The following ARC variants were observed in gnomAD, a reference collection of about 807,000 sequenced individuals.
The protein encoded by ARC is activity-regulated cytoskeleton-associated protein.
Under a neutral mutation model 20.0 loss-of-function variants are expected in ARC, and 10 were observed. That is an observed-to-expected ratio of 0.50 (90% confidence interval 0.31 to 0.85). The LOEUF is 0.85. Among genes scored for constraint, ARC ranks in the 40% least tolerant of loss-of-function variants. The pLI is 0.05. For synonymous variants in ARC, 269 were observed against 254.1 expected, an observed-to-expected ratio of 1.06 and a Z score of -0.56; for missense variants, 454 against 555.5, an observed-to-expected ratio of 0.82 and a Z score of 1.84.
Position 142,613,908 on chromosome 8 carries a change from G to T in ARC, c.364C>A (p.Arg122Ser). Residue 122 changes from arginine (R) to serine (S), a missense_variant, in exon 1 of 3, where the codon CGC (arginine) becomes AGC (serine). This residue lies in a region of ARC where 265 missense variants were observed against 301.7 expected (regional missense o/e 0.88). Coordinates refer to ENST00000356613, the MANE Select transcript of ARC (RefSeq NM_015193.5). ...AGGCGGTCGGCCCAGCGCTCCAGGC[G>T]GTAGAACACCTCGCGCCACACGTGC... ...EMHVWREVFY[R>S]LERWADRLES... 6.3e-7 allele frequency: 1 copy of T among 1,593,332 alleles called. No homozygotes were observed. The highest frequency in any genetic ancestry group is 8.5e-7 in the Non-Finnish European group (1 of 1,173,014).
chr8:142,613,830 C>A lies in ARC; in HGVS notation c.442G>T (p.Val148Phe), dbSNP rs931618958. The A allele has an allele frequency of 6.4e-7, 1 of 1,554,754 alleles. No homozygotes were observed. Among genetic ancestry groups the A allele is most frequent in the East Asian group, 2.4e-5 (1 of 42,222 alleles). Residue 148 changes from valine to phenylalanine, a missense_variant, in exon 1 of 3, where the codon GTT becomes TTT. Physicochemically the swap from Val to Phe is conservative, Grantham distance 50. This residue lies in a region of ARC where 265 missense variants were observed against 301.7 expected (regional missense o/e 0.88). Coordinates refer to ENST00000356613, the MANE Select transcript of ARC (RefSeq NM_015193.5). Reference protein sequence around the residue: ...PVGSESARHTVSVGVGGPESY... With the variant: ...PVGSESARHTFSVGVGGPESY... ...TCGGGACCCCCCACGCCCACGGAAA[C>A]GGTGTGGCGGGCTGACTCGCTGCCC... is the stretch of plus-strand genomic sequence containing the variant.
In ARC at chr8:142,614,332, G is replaced by T. The variant is rs1165431090; in HGVS notation, c.-61C>A. On this transcript the variant is annotated 5_prime_UTR_variant, in exon 1 of 3. Coordinates refer to ENST00000356613, the MANE Select transcript of ARC (RefSeq NM_015193.5). ...CGGGGCGGACAGAGGGTGGTCCGGC[G>T]CTGGGGTCCGGCGGCCTGGGTCCCG... 4.6e-6 allele frequency: 6 copies of T among 1,290,546 alleles called. No individual in the cohort carries two copies. The highest frequency in any genetic ancestry group is 5.9e-6 in the Non-Finnish European group (6 of 1,012,950). 79.9% of individuals were successfully genotyped at this position (1,290,546 alleles called of 1,614,324 possible).
intron 2 of ARC, 41 bp downstream of exon 2, chr8:142,612,067 G>C (rs1306868792): frequency 6.5e-6 from 1 of 153,048 alleles, no homozygotes; most frequent in Non-Finnish European, 1.5e-5. Flanking sequence ...GGCCGGGACA[G>C]CTGATGGTGG....
Position 142,612,951 on chromosome 8 carries a change from G to A in ARC, c.*130C>T, listed in dbSNP as rs587595872. ...GGATGACACGAGTGTGTGCGAGTCC[G>A]CCCGGAGCTCGAGGGGGCACCCAGC... On this transcript the variant is annotated 3_prime_UTR_variant, in exon 1 of 3. Coordinates refer to ENST00000356613, the MANE Select transcript of ARC (RefSeq NM_015193.5). 7.0e-4 allele frequency: 505 copies of A among 724,246 alleles called. 2 individuals are homozygous for A. The African/African-American group carries it at 7.7e-3, about 11-fold the overall frequency. 44.9% of individuals were successfully genotyped at this position (724,246 alleles called of 1,614,324 possible). A position where few individuals can be genotyped will look rare whatever the true frequency, so the allele number is the denominator to read the frequency against.
rs747301585 is a variant in ARC, at chr8:142,613,873, C to G, written c.399G>C (p.Thr133=). 1.9e-6 allele frequency: 3 copies of G among 1,560,734 alleles called. No individual in the cohort carries two copies. Among genetic ancestry groups the G allele is most frequent in the South Asian group, 2.3e-5 (2 of 85,824 alleles). Residue 133 remains threonine (T), a synonymous_variant, in exon 1 of 3, where the codon ACG becomes ACC. Coordinates refer to ENST00000356613, the MANE Select transcript of ARC (RefSeq NM_015193.5). The part of the protein sequence containing the change: ...LERWADRLES[T]GGKYPVGSES... ...CGCTGCCCACCGGGTACTTGCCGCC[C>G]GTGGACTCCAGGCGGTCGGCCCAGC... is the stretch of plus-strand genomic sequence containing the variant.
Position 142,612,686 on chromosome 8 carries a change from G to C in ARC, c.*395C>G, listed in dbSNP as rs1168696102. The C allele has an allele frequency of 1.0e-5, 2 of 200,160 alleles. No homozygotes were observed. The highest frequency in any genetic ancestry group is 4.6e-5 in the African/African-American group (2 of 43,284). The allele number at this position is 200,160 out of a possible 1,614,324, so 12.4% of individuals were successfully genotyped here. On this transcript the variant is annotated 3_prime_UTR_variant, in exon 1 of 3. Coordinates refer to ENST00000356613, the MANE Select transcript of ARC (RefSeq NM_015193.5). ...CTCCCTCAGCATTGGCTCTGCCCTAGCTTCTGCTCTGGGTGTCCCATGAGC... is the reference window on the plus strand; with the variant it reads ...CTCCCTCAGCATTGGCTCTGCCCTACCTTCTGCTCTGGGTGTCCCATGAGC...
In ARC at chr8:142,613,783, G is replaced by C. The variant is rs2234911; in HGVS notation, c.489C>G (p.Asp163Glu). The C allele has an allele frequency of 1.9e-6, 3 of 1,550,626 alleles. No individual in the cohort carries two copies. The East Asian group carries it at 7.2e-5, about 37-fold the overall frequency. Residue 163 changes from aspartate to glutamate, a missense_variant, in exon 1 of 3, where the codon GAC becomes GAG. This residue lies in a region of ARC where 265 missense variants were observed against 301.7 expected (regional missense o/e 0.88). Transcript: ENST00000356613. ...GGPESYCHEADGYDYTVSPYA... is the reference protein window; with the variant it reads ...GGPESYCHEAEGYDYTVSPYA... Reference sequence around the variant, plus strand: ...AGGGGCTGACGGTGTAGTCGTAGCCGTCTGCCTCGTGGCAGTAGCTCTCGG... The same window carrying C: ...AGGGGCTGACGGTGTAGTCGTAGCCCTCTGCCTCGTGGCAGTAGCTCTCGG...
Position 142,613,331 on chromosome 8 carries a change from A to G in ARC, c.941T>C (p.Val314Ala), listed in dbSNP as rs1171388183. Reference sequence around the variant, plus strand: ...GATGATCTCCTCCTCGTCCGCGTCCACGTAGAGCGTCTGGTACAGGTCCCG... The same window carrying G: ...GATGATCTCCTCCTCGTCCGCGTCCGCGTAGAGCGTCTGGTACAGGTCCCG... ...RKRDLYQTLY[V>A]DADEEEIIQY... The change falls in exon 1 of 3, where the codon GTG (valine) becomes GCG (alanine). Residue 314 changes from valine (V) to alanine (A), a missense_variant. This residue lies in a region of ARC where 117 missense variants were observed against 194.4 expected (regional missense o/e 0.60). Transcript: ENST00000356613. 1 of 1,613,604 alleles carries G rather than the reference A, an allele frequency of 6.2e-7. No individual in the cohort carries two copies. Among genetic ancestry groups the G allele is most frequent in the South Asian group, 1.1e-5 (1 of 91,090 alleles).
Position 142,613,720 on chromosome 8 carries a change from G to A in ARC, c.552C>T (p.Pro184=), listed in dbSNP as rs762765411. 1.9e-5 allele frequency: 29 copies of A among 1,553,912 alleles called. No individual in the cohort carries two copies. The highest frequency in any genetic ancestry group is 5.5e-5 in the Admixed American group (3 of 55,016). Residue 184 remains proline (P), a synonymous_variant, in exon 1 of 3, where the codon CCC becomes CCT. Coordinates refer to ENST00000356613, the MANE Select transcript of ARC (RefSeq NM_015193.5). ...GCTGGGCCTCGGCGGGCTCCTGCCC[G>A]GGCAGCTCGCCAGCGGCTGGGGGCG... ...ITPPPAAGEL[P]GQEPAEAQQY... is the part of the protein sequence containing the mutation.
In ARC at chr8:142,613,540, A is replaced by G. The variant is rs1325660620; in HGVS notation, c.732T>C (p.Asn244=). ...ACTTCTTGGCCGGCCCGTTCATGTG[A>G]TTCTGGATCTGGGACAGCCAGTACT... ...SEEYWLSQIQ[N]HMNGPAKKWW... Residue 244 remains asparagine, a synonymous_variant, in exon 1 of 3, where the codon AAT becomes AAC. Coordinates refer to ENST00000356613, the MANE Select transcript of ARC (RefSeq NM_015193.5). The G allele has an allele frequency of 6.2e-7, 1 of 1,611,374 alleles. No individual in the cohort carries two copies. Among genetic ancestry groups the G allele is most frequent in the African/African-American group, 1.3e-5 (1 of 74,844 alleles).
Position 142,614,165 on chromosome 8 carries a change from G to T in ARC, c.107C>A (p.Ala36Asp). The T allele has an allele frequency of 1.3e-6, 2 of 1,580,634 alleles. No homozygotes were observed. The highest frequency in any genetic ancestry group is 1.7e-6 in the Non-Finnish European group (2 of 1,165,772). ...NVILQIGKCRAEMLEHVRRTH... is the reference protein window; with the variant it reads ...NVILQIGKCRDEMLEHVRRTH... ...CCGCCGCACGTGCTCCAGCATCTCG[G>T]CCCGGCACTTCCCGATCTGCAGGAT... Residue 36 changes from alanine to aspartate, a missense_variant, in exon 1 of 3, where the codon GCC becomes GAC. Coordinates refer to ENST00000356613, the MANE Select transcript of ARC (RefSeq NM_015193.5).
chr8:142,613,237 C>T lies in ARC; in HGVS notation c.1035G>A (p.Leu345=), dbSNP rs1205264520. ...RFLRHPLPKT[L]EQLIQRGMEV... ...CCATGCCCCTCTGGATGAGCTGCTCCAGGGTCTTGGGCAGGGGGTGGCGCA... is the reference window on the plus strand; with the variant it reads ...CCATGCCCCTCTGGATGAGCTGCTCTAGGGTCTTGGGCAGGGGGTGGCGCA... The change falls in exon 1 of 3, where the codon CTG becomes CTA. Residue 345 remains leucine (L), a synonymous_variant. Coordinates refer to ENST00000356613, the MANE Select transcript of ARC (RefSeq NM_015193.5). 6.2e-7 allele frequency: 1 copy of T among 1,613,376 alleles called. No homozygotes were observed.
rs1426235687 is a variant in ARC, at chr8:142,612,894, G to A, written c.*187C>T. 4 of 566,624 alleles carry A rather than the reference G, an allele frequency of 7.1e-6. No individual in the cohort carries two copies. The highest frequency in any genetic ancestry group is 5.6e-5 in the African/African-American group (3 of 53,638). The allele number at this position is 566,624 out of a possible 1,614,324, so 35.1% of individuals were successfully genotyped here. On this transcript the variant is annotated 3_prime_UTR_variant, in exon 1 of 3. Transcript: ENST00000356613. ...TGGGTGGAGCCCTGCAGGGGGGAGGGCTCTTTGCCGCTGGGTGCGGTGCTC... is the reference window on the plus strand; with the variant it reads ...TGGGTGGAGCCCTGCAGGGGGGAGGACTCTTTGCCGCTGGGTGCGGTGCTC...
rs878902187 is a variant in ARC at position 142,614,289 on chromosome 8, G to T, written c.-18C>A. The T allele has an allele frequency of 1.4e-6, 2 of 1,393,764 alleles. No homozygotes were observed. Among genetic ancestry groups the T allele is most frequent in the East Asian group, 5.4e-5 (2 of 36,716 alleles). 86.3% of individuals were successfully genotyped at this position (1,393,764 alleles called of 1,614,324 possible). A position where few individuals can be genotyped will look rare whatever the true frequency, so the allele number is the denominator to read the frequency against. On this transcript the variant is annotated 5_prime_UTR_variant, in exon 1 of 3. Coordinates refer to ENST00000356613, the MANE Select transcript of ARC (RefSeq NM_015193.5). ...AGCTCCATCTGTGCGCAGGTGCTCC[G>T]GCAGGCGGCAAACTCCTCGGGGCGG...
At position 142,613,048 on chromosome 8, in the gene ARC, G is replaced by A. The variant is rs1587490827; in HGVS notation, c.*33C>T. The A allele has an allele frequency of 7.0e-7, 1 of 1,435,572 alleles. No homozygotes were observed. The highest frequency in any genetic ancestry group is 9.2e-7 in the Non-Finnish European group (1 of 1,085,216). 88.9% of individuals were successfully genotyped at this position (1,435,572 alleles called of 1,614,324 possible). On this transcript the variant is annotated 3_prime_UTR_variant, in exon 1 of 3. Transcript: ENST00000356613. ...TGGTGGGCAAAGCCACAGGCTGGAT[G>A]TAGTGGGCAGGCTGGGGGCTCCGGG...
rs1285611492 is a variant in ARC at position 142,614,459 on chromosome 8, G to A, written c.-188C>T. ...TCCGGCTCGGCTGCTGCGGAGGGAGGACGCCGCGCCCGAGCTCTGCGCTGA... is the reference window on the plus strand; with the variant it reads ...TCCGGCTCGGCTGCTGCGGAGGGAGAACGCCGCGCCCGAGCTCTGCGCTGA... On this transcript the variant is annotated 5_prime_UTR_variant, in exon 1 of 3. Transcript: ENST00000356613. 9.3e-6 allele frequency: 4 copies of A among 431,340 alleles called. No homozygotes were observed. The highest frequency in any genetic ancestry group is 4.6e-5 in the Admixed American group (1 of 21,894). 26.7% of individuals were successfully genotyped at this position (431,340 alleles called of 1,614,324 possible).
In ARC at chr8:142,613,737, C is replaced by A; in HGVS notation, c.535G>T (p.Ala179Ser). 6.5e-7 allele frequency: 1 copy of A among 1,549,818 alleles called. No individual in the cohort carries two copies. Among genetic ancestry groups the A allele is most frequent in the East Asian group, 2.4e-5 (1 of 42,004 alleles). ...VSPYAITPPP[A>S]AGELPGQEPA... ...TCCTGCCCGGGCAGCTCGCCAGCGG[C>A]TGGGGGCGGGGTGATGGCGTAGGGG... is the stretch of plus-strand genomic sequence containing the variant. The change falls in exon 1 of 3, where the codon GCC becomes TCC. Residue 179 changes from alanine to serine, a missense_variant. By Grantham distance (99) the Ala-to-Ser change is moderately conservative. This residue lies in a region of ARC where 265 missense variants were observed against 301.7 expected (regional missense o/e 0.88). Coordinates refer to ENST00000356613, the MANE Select transcript of ARC (RefSeq NM_015193.5).
Position 142,614,169 on chromosome 8 carries a change from G to C in ARC, c.103C>G (p.Arg35Gly). The change falls in exon 1 of 3, where the codon CGG (arginine) becomes GGG (glycine). Residue 35 changes from arginine (R) to glycine (G), a missense_variant. Physicochemically the swap from Arg to Gly is moderately radical, Grantham distance 125. Transcript: ENST00000356613. ...PNVILQIGKC[R>G]AEMLEHVRRT... ...CGCACGTGCTCCAGCATCTCGGCCC[G>C]GCACTTCCCGATCTGCAGGATCACG... The C allele has an allele frequency of 6.3e-7, 1 of 1,577,724 alleles. No individual in the cohort carries two copies. Among genetic ancestry groups the C allele is most frequent in the Non-Finnish European group, 8.6e-7 (1 of 1,164,310 alleles).
At position 142,613,238 on chromosome 8, in the gene ARC, A is replaced by G; in HGVS notation, c.1034T>C (p.Leu345Pro). 1 of 1,613,262 alleles carries G rather than the reference A, an allele frequency of 6.2e-7. No individual in the cohort carries two copies. The highest frequency in any genetic ancestry group is 8.5e-7 in the Non-Finnish European group (1 of 1,179,924). Residue 345 changes from leucine to proline, a missense_variant, in exon 1 of 3, where the codon CTG (leucine) becomes CCG (proline). Coordinates refer to ENST00000356613, the MANE Select transcript of ARC (RefSeq NM_015193.5). ...CATGCCCCTCTGGATGAGCTGCTCC[A>G]GGGTCTTGGGCAGGGGGTGGCGCAG... ...RFLRHPLPKTLEQLIQRGMEV... is the reference protein window; with the variant it reads ...RFLRHPLPKTPEQLIQRGMEV...
Sources: allele counts gnomAD v4.1 joint callset, GRCh38; gene constraint gnomAD v4.1.1; regional missense constraint gnomAD v4.1.1; transcripts MANE v1.5; gene names NCBI Gene and HGNC (gene_info 2026-07-23, HGNC 2026-07-21).